THSD7B: variants seen among roughly 807,000 people sequenced by gnomAD.
THSD7B encodes the protein thrombospondin type-1 domain-containing protein 7B.
THSD7B carries 138 observed loss-of-function variants against 213.6 expected under a neutral mutation model. The observed-to-expected ratio is 0.65, with a 90% CI of 0.56 to 0.74. The LOEUF is 0.74. Among genes scored for constraint, THSD7B ranks in the 30% least tolerant of loss-of-function variants. The pLI, the probability that THSD7B is intolerant of heterozygous loss-of-function variation, is 0.00. For synonymous variants in THSD7B, 742 were observed against 687.0 expected (o/e 1.08, Z -1.25); for missense variants, 1,931 against 1,991.5 (o/e 0.97, Z 0.58).
chr2:136,803,166 CAT>C (rs1393450377), intron 1 of THSD7B, among the ~76,000 whole-genome samples: 4 of 152,046 alleles, frequency 2.6e-5, no homozygotes, highest in East Asian at 3.9e-4. Context: ...CACACACACA[CAT>C]GCACATATAT....
chr2:137,286,629 A>G (rs1338996805), intron 12 of THSD7B, among the ~76,000 whole-genome samples: 1 of 151,958 alleles, frequency 6.6e-6, no homozygotes, highest in Non-Finnish European at 1.5e-5. Flanking sequence ...AAGCACATAT[A>G]TAGGTTTGAA....
chr2:137,515,409 C>G (rs1434108077), intron 15 of THSD7B, among the ~76,000 whole-genome samples: 1 of 152,164 alleles, frequency 6.6e-6, no homozygotes, highest in African/African-American at 2.4e-5. Context: ...TGATTCTCCT[C>G]AGGACCCTCC....
chr2:136,954,085 A>G (rs189935208), intron 2 of THSD7B, among the ~76,000 whole-genome samples: 1 of 152,356 alleles, frequency 6.6e-6, no homozygotes, highest in East Asian at 1.9e-4. Flanking sequence ...AGCTGAGAAC[A>G]TGGGCAGGAT....
intron 12 of THSD7B, among the ~76,000 whole-genome samples, chr2:137,314,881 C>T (rs368680979): frequency 2.4e-4 from 36 of 152,308 alleles, no homozygotes; most frequent in East Asian, 1.7e-3. Flanking sequence ...TCTCCAGCTG[C>T]GTGCTGGGAG....
At chr2:137,323,438 C>A (rs1175479175) in intron 12 of THSD7B, among the ~76,000 whole-genome samples, 1 of 152,166 alleles carries the variant, frequency 6.6e-6, no homozygotes, top group East Asian at 1.9e-4. Flanking sequence ...CATAACCTTA[C>A]CACATCCTTC....
At chr2:137,586,916 T>C (rs1681745031) in intron 17 of THSD7B, among the ~76,000 whole-genome samples, 1 of 152,236 alleles carries the variant, frequency 6.6e-6, no homozygotes, top group South Asian at 2.1e-4. Flanking sequence ...TCCTGGAAAA[T>C]ATCCTGCAGA....
chr2:137,060,630 A>G (rs531592137), intron 3 of THSD7B, among the ~76,000 whole-genome samples: 3 of 151,936 alleles, frequency 2.0e-5, no homozygotes, highest in Non-Finnish European at 4.4e-5. Context: ...TCTTTTCTCT[A>G]TTGAGTTACC....
chr2:137,407,327 T>G (rs1686547978), intron 13 of THSD7B, among the ~76,000 whole-genome samples: 1 of 152,280 alleles, frequency 6.6e-6, no homozygotes, highest in South Asian at 2.1e-4. Flanking sequence ...TTGAAATTTC[T>G]TTTCTAAATT....
intron 12 of THSD7B, among the ~76,000 whole-genome samples, chr2:137,320,265 T>G (rs1684232720): frequency 6.6e-6 from 1 of 152,208 alleles, no homozygotes; most frequent in South Asian, 2.1e-4. Context: ...AGCTCTTATA[T>G]TCTAATATAT....
At chr2:137,510,319 A>T (rs940145566) in intron 15 of THSD7B, among the ~76,000 whole-genome samples, 5 of 152,136 alleles carry the variant, frequency 3.3e-5, no homozygotes, top group Non-Finnish European at 7.4e-5. Flanking sequence ...AATTGATTAT[A>T]ATCTAATGGT....
chr2:136,909,793 G>A (rs1157872832), intron 2 of THSD7B, among the ~76,000 whole-genome samples: 1 of 152,126 alleles, frequency 6.6e-6, no homozygotes, highest in Non-Finnish European at 1.5e-5. Flanking sequence ...TTGTAATATG[G>A]CCAGACTACT....
intron 27 of THSD7B, among the ~76,000 whole-genome samples, chr2:137,673,950 A>C (rs1386932715): frequency 1.3e-5 from 2 of 152,214 alleles, no homozygotes; most frequent in African/African-American, 4.8e-5. Flanking sequence ...CATGGCCCAC[A>C]AAGGTCCAAG....
At chr2:137,301,607 A>T (rs73958837) in intron 12 of THSD7B, among the ~76,000 whole-genome samples, 9,266 of 151,578 alleles carry the variant, frequency 0.061, 520 homozygotes, top group African/African-American at 0.14. Context: ...TTTTATTTAA[A>T]ATATTAATTT....
At chr2:137,369,166 T>C (rs906783967) in intron 12 of THSD7B, among the ~76,000 whole-genome samples, 5 of 144,544 alleles carry the variant, frequency 3.5e-5, no homozygotes, top group African/African-American at 1.4e-4. Context: ...TATATATATA[T>C]ATTTTTGACA....
intron 5 of THSD7B, among the ~76,000 whole-genome samples, chr2:137,158,471 A>G (rs983751788): frequency 3.9e-5 from 6 of 152,166 alleles, no homozygotes; most frequent in African/African-American, 1.2e-4. Flanking sequence ...TACATTGGCA[A>G]TCTTGCTTTG....
intron 15 of THSD7B, among the ~76,000 whole-genome samples, chr2:137,525,438 A>T (rs956433669): frequency 6.6e-6 from 1 of 151,976 alleles, no homozygotes; most frequent in Non-Finnish European, 1.5e-5. Flanking sequence ...GATGAGGCAA[A>T]CCCTTTTCCA....
intron 16 of THSD7B, among the ~76,000 whole-genome samples, chr2:137,569,423 C>G (rs1448899717): frequency 6.6e-6 from 1 of 152,152 alleles, no homozygotes; most frequent in Non-Finnish European, 1.5e-5. Flanking sequence ...TCCAAAGACC[C>G]TTTTGTGACC....
intron 12 of THSD7B, among the ~76,000 whole-genome samples, chr2:137,289,664 G>T (rs1381283350): frequency 6.6e-6 from 1 of 151,852 alleles, no homozygotes; most frequent in Non-Finnish European, 1.5e-5. Flanking sequence ...TGGGACTAAG[G>T]GCTAACAGCA....
chr2:137,021,109 G>A (rs1686439090), intron 2 of THSD7B, among the ~76,000 whole-genome samples: 1 of 152,144 alleles, frequency 6.6e-6, no homozygotes, highest in African/African-American at 2.4e-5. Flanking sequence ...TATGTAGGAA[G>A]TGTGCTTTCT....
Sources: gnomAD v4.1 joint callset for allele counts (sites outside exome capture counted in the v4.1 genomes callset) on GRCh38, gnomAD v4.1.1 for gene constraint, MANE v1.5 for transcripts, NCBI Gene and HGNC (gene_info 2026-07-23, HGNC 2026-07-21) for gene names.